TNRC6B: variants seen among roughly 807,000 people sequenced by gnomAD.
TNRC6B encodes trinucleotide repeat-containing gene 6B protein.
TNRC6B carries 52 observed loss-of-function variants against 203.6 expected under a neutral mutation model. The ratio of observed to expected loss-of-function variants is 0.26; its 90% CI spans 0.20 to 0.32. The LOEUF is 0.32. TNRC6B is among the 10% of genes least tolerant of loss of function. The pLI, the probability that TNRC6B is intolerant of heterozygous loss-of-function variation, is 1.00. For synonymous variants in TNRC6B, 838 were observed against 845.7 expected (o/e 0.99, Z 0.16); for missense variants, 1,923 against 2,286.2 (o/e 0.84, Z 3.24).
At chr22:40,242,179 A>AGTGTGTGTGT (rs58498001) in intron 1 of TNRC6B, among the ~76,000 whole-genome samples, 44 of 149,444 alleles carry the variant, frequency 2.9e-4, no homozygotes, top group African/African-American at 7.4e-4. Context: ...AGGGAATAAG[A>AGTGTGTGTGT]GTGTGTGTGT....
intron 1 of TNRC6B, among the ~76,000 whole-genome samples, chr22:40,186,875 G>A (rs2069211095): frequency 6.7e-6 from 1 of 149,246 alleles, no homozygotes; most frequent in Non-Finnish European, 1.5e-5. Flanking sequence ...CGTTTTTTTT[G>A]TACCAAGACT....
chr22:40,214,016 C>A (rs1442451246), intron 1 of TNRC6B, among the ~76,000 whole-genome samples: 1 of 152,026 alleles, frequency 6.6e-6, no homozygotes, highest in Non-Finnish European at 1.5e-5. Flanking sequence ...GCTTGTAATC[C>A]CAGCACTTTG....
intron 1 of TNRC6B, among the ~76,000 whole-genome samples, chr22:40,093,998 A>G (rs1457379003): frequency 6.6e-6 from 1 of 152,174 alleles, no homozygotes; most frequent in African/African-American, 2.4e-5. Context: ...GCTTGAGGTA[A>G]TACCCCAGTT....
chr22:40,121,307 T>C (rs2068443674), intron 2 of TNRC6B, among the ~76,000 whole-genome samples: 1 of 149,296 alleles, frequency 6.7e-6, no homozygotes, highest in Non-Finnish European at 1.5e-5. Flanking sequence ...TTGAATCACC[T>C]ATATAAACCT....
In TNRC6B at chr22:40,323,267, G is replaced by C. The variant is rs762588590; in HGVS notation, c.*26G>C. On this transcript the variant is annotated 3_prime_UTR_variant, in exon 23 of 23. Coordinates refer to ENST00000454349, the MANE Select transcript of TNRC6B (RefSeq NM_001162501.2). ...ACTTAGAACTTTCAACTCTGACCTC[G>C]TGACCTTTTTTGGAACAGCAGCAGC... The C allele has an allele frequency of 1.3e-6, 2 of 1,588,824 alleles. No homozygotes were observed. The highest frequency in any genetic ancestry group is 2.7e-5 in the African/African-American group (2 of 73,752).
chr22:40,051,851 A>G (rs1489220736), intron 1 of TNRC6B, among the ~76,000 whole-genome samples: 2 of 152,270 alleles, frequency 1.3e-5, no homozygotes, highest in Non-Finnish European at 2.9e-5. Context: ...ACATTTAAAT[A>G]GGTAATTGGT....
chr22:40,146,260 T>C (rs2068694583), intron 3 of TNRC6B, among the ~76,000 whole-genome samples: 1 of 152,160 alleles, frequency 6.6e-6, no homozygotes, highest in Admixed American at 6.5e-5. Context: ...CAGGTAGTGA[T>C]ATGTGTGATG....
chr22:40,154,102 G>A (rs111768232), intron 3 of TNRC6B, among the ~76,000 whole-genome samples: 13 of 151,436 alleles, frequency 8.6e-5, no homozygotes, highest in East Asian at 7.8e-4. Flanking sequence ...TCCTGCCTCT[G>A]TCCCCCGAAG....
At chr22:40,190,882 G>A (rs544486924) in intron 1 of TNRC6B, among the ~76,000 whole-genome samples, 5 of 152,230 alleles carry the variant, frequency 3.3e-5, no homozygotes, top group Non-Finnish European at 5.9e-5. Context: ...TTGGAAAGAT[G>A]TGTTTACTGC....
chr22:40,077,431 C>T (rs955170608), intron 1 of TNRC6B, among the ~76,000 whole-genome samples: 26 of 152,234 alleles, frequency 1.7e-4, no homozygotes, highest in Non-Finnish European at 2.9e-4. Context: ...GTAGTAGTTG[C>T]TTCATCGTGG....
chr22:40,125,982 C>A, intron 3 of TNRC6B: 1 of 970,948 alleles, frequency 1.0e-6, no homozygotes, highest in South Asian at 2.0e-5. Flanking sequence ...AAATTAGAAC[C>A]TAACATAAGA....
At chr22:40,234,718 C>T (rs1487669481) in intron 1 of TNRC6B, among the ~76,000 whole-genome samples, 2 of 152,114 alleles carry the variant, frequency 1.3e-5, no homozygotes, top group African/African-American at 2.4e-5. Context: ...ATTAAAAATG[C>T]ATTTACCTTA....
intron 4 of TNRC6B, among the ~76,000 whole-genome samples, chr22:40,159,633 C>T (rs1016925257): frequency 4.1e-5 from 6 of 147,858 alleles, no homozygotes; most frequent in Admixed American, 1.4e-4. Flanking sequence ...AGCAAGACTC[C>T]ATCTTAAAAC....
At chr22:40,106,014 T>A (rs1321791765) in intron 1 of TNRC6B, among the ~76,000 whole-genome samples, 1 of 152,194 alleles carries the variant, frequency 6.6e-6, no homozygotes, top group Non-Finnish European at 1.5e-5. Context: ...TGCATCAACC[T>A]TACTTACTAC....
chr22:40,090,129 G>A (rs1332885445), intron 1 of TNRC6B, among the ~76,000 whole-genome samples: 1 of 152,176 alleles, frequency 6.6e-6, no homozygotes, highest in African/African-American at 2.4e-5. Flanking sequence ...TAAAAATAAA[G>A]CGGCTGCAAA....
chr22:40,095,553 A>C (rs779401365), intron 1 of TNRC6B, among the ~76,000 whole-genome samples: 3 of 152,042 alleles, frequency 2.0e-5, no homozygotes, highest in Non-Finnish European at 4.4e-5. Context: ...AAATAATGAT[A>C]TTACCACAAT....
chr22:40,246,421 C>G (rs563009627), intron 2 of TNRC6B: 112 of 173,128 alleles, frequency 6.5e-4, no homozygotes, highest in African/African-American at 2.5e-3. Flanking sequence ...AACTCCTGTC[C>G]TCGTGATCCC....
chr22:40,255,106 G>C (rs1354894250), intron 3 of TNRC6B, among the ~76,000 whole-genome samples: 1 of 152,118 alleles, frequency 6.6e-6, no homozygotes, highest in African/African-American at 2.4e-5. Context: ...GGGAACCTCA[G>C]GTAACTGTCT....
intron 1 of TNRC6B, among the ~76,000 whole-genome samples, chr22:40,200,278 C>CTTTTTTTTTTTTTTTTTTTT (rs59067007): frequency 1.3e-5 from 1 of 75,510 alleles, no homozygotes. Flanking sequence ...AAGTAATATT[C>CTTTTTTTTTTTTTTTTTTTT]TTTTTTTTTT....
Sources: gnomAD v4.1 joint callset for allele counts (sites outside exome capture counted in the v4.1 genomes callset) on GRCh38, gnomAD v4.1.1 for gene constraint, MANE v1.5 for transcripts, NCBI Gene and HGNC (gene_info 2026-07-23, HGNC 2026-07-21) for gene names.